The following PPP2R2D variants were observed in gnomAD, a reference collection of about 807,000 sequenced individuals.
The protein encoded by PPP2R2D is protein phosphatase 2 regulatory subunit Bdelta.
A neutral mutation model predicts 31.1 loss-of-function variants in PPP2R2D; 9 were observed. The ratio of observed to expected loss-of-function variants is 0.29; its 90% CI spans 0.17 to 0.51. PPP2R2D has a LOEUF of 0.51. PPP2R2D is among the 20% of genes least tolerant of loss of function. The pLI is 0.98. For synonymous variants in PPP2R2D, 179 were observed against 172.6 expected, an observed-to-expected ratio of 1.04 and a Z score of -0.29; for missense variants, 391 against 465.6, an observed-to-expected ratio of 0.84 and a Z score of 1.48.
At chr10:131,931,913 C>T (rs2036236663) in intron 2 of PPP2R2D, among the ~76,000 whole-genome samples, 1 of 152,158 alleles carries the variant, frequency 6.6e-6, no homozygotes, top group African/African-American at 2.4e-5. Context: ...TCCCACCTGG[C>T]AGGGTGAATG....
In PPP2R2D at chr10:131,901,044, GCGC is replaced by G. The variant is rs1325552969; in HGVS notation, c.-102_-100del. The G allele has an allele frequency of 7.7e-5, 12 of 156,264 alleles. No homozygotes were observed. The highest frequency in any genetic ancestry group is 5.4e-4 in the South Asian group (3 of 5,572). 9.7% of individuals were successfully genotyped at this position (156,264 alleles called of 1,614,324 possible). A position where few individuals can be genotyped will look rare whatever the true frequency, so the allele number is the denominator to read the frequency against. On this transcript the variant is annotated 5_prime_UTR_variant, in exon 1 of 9. Coordinates refer to ENST00000455566, the MANE Select transcript of PPP2R2D (RefSeq NM_018461.5). Reference sequence around the variant, plus strand: ...CCCGGCGGCGGCGGCGGCGGCGGCGGCGCCGGCGGTGGTGGCGGCCCCGGGGCT... The same window carrying G: ...CCCGGCGGCGGCGGCGGCGGCGGCGGCGGCGGTGGTGGCGGCCCCGGGGCT...
chr10:131,945,447 A>C lies in PPP2R2D; in HGVS notation c.808A>C (p.Arg270=), dbSNP rs1554897873. The change falls in exon 7 of 9, where the codon AGA becomes CGA. Residue 270 remains arginine, a synonymous_variant. Transcript: ENST00000455566. This position sits in a 1 kb window ranked among gnomAD's most constrained non-coding sequence, Gnocchi z 4.8. The stretch of plus-strand genomic sequence containing the variant: ...CATGCGCTCCTCGGCCCTGTGCGAC[A>C]GACACTCCAAGTGTAAGTGCGTCTG... ...CDMRSSALCD[R]HSKFFEEPED... 2 of 1,611,710 alleles carry C rather than the reference A, an allele frequency of 1.2e-6. No homozygotes were observed. The highest frequency in any genetic ancestry group is 2.2e-5 in the South Asian group (2 of 90,746).
intron 8 of PPP2R2D, among the ~76,000 whole-genome samples, chr10:131,948,238 T>A (rs1296674818): frequency 2.0e-5 from 3 of 152,200 alleles, no homozygotes; most frequent in African/African-American, 7.2e-5. Context: ...TCATGGCTGG[T>A]CTGAAACACC....
intron 8 of PPP2R2D, among the ~76,000 whole-genome samples, chr10:131,952,138 G>T (rs868918977): frequency 5.6e-5 from 6 of 106,374 alleles, no homozygotes; most frequent in African/African-American, 1.2e-4. Flanking sequence ...CGGGTGTGCG[G>T]GGGGGTTCAC....
At chr10:131,923,660 T>G (rs1467736937) in intron 2 of PPP2R2D, among the ~76,000 whole-genome samples, 2 of 152,210 alleles carry the variant, frequency 1.3e-5, no homozygotes, top group Non-Finnish European at 2.9e-5. Context: ...TGGTTTTGAT[T>G]TGTATTTCCC....
intron 2 of PPP2R2D, among the ~76,000 whole-genome samples, chr10:131,932,271 T>C (rs1350666024): frequency 6.6e-6 from 1 of 151,888 alleles, no homozygotes; most frequent in Non-Finnish European, 1.5e-5. Context: ...AGACCCGATG[T>C]CTCCATGGGA....
chr10:131,963,794 G>C (rs1462142866), downstream of PPP2R2D, among the ~76,000 whole-genome samples: 4 of 152,124 alleles, frequency 2.6e-5, no homozygotes, highest in African/African-American at 9.7e-5. Flanking sequence ...TTTTGAACAG[G>C]TTTTGGAAAT....
chr10:131,934,191 A>G (rs939723019), intron 2 of PPP2R2D, among the ~76,000 whole-genome samples: 1 of 151,954 alleles, frequency 6.6e-6, no homozygotes, highest in Non-Finnish European at 1.5e-5. Flanking sequence ...TATCAAGACA[A>G]CCTAGTCTAG....
chr10:131,971,147 C>T, the PPP2R2D span: 16 of 619,078 alleles, frequency 2.6e-5, no homozygotes, highest in African/African-American at 3.7e-5. Context: ...CCCCGGGCCG[C>T]GCCGCACTCC....
rs2036819408 is a variant in PPP2R2D at position 131,957,358 on chromosome 10, G to GC, written c.*1398dup. On this transcript the variant is annotated 3_prime_UTR_variant, in exon 9 of 9. Coordinates refer to ENST00000455566, the MANE Select transcript of PPP2R2D (RefSeq NM_018461.5). ...AAGGAGGTGTGTGCTGATCCCCTGTGCCCTGTGGAGATGGAGGTGTGTGCT... is the reference window on the plus strand; with the variant it reads ...AAGGAGGTGTGTGCTGATCCCCTGTGCCCCTGTGGAGATGGAGGTGTGTGCT... 8 of 179,678 alleles carry GC rather than the reference G, an allele frequency of 4.5e-5. No individual in the cohort carries two copies. The highest frequency in any genetic ancestry group is 1.4e-4 in the Admixed American group (2 of 14,578). The allele number at this position is 179,678 out of a possible 1,614,324, so 11.1% of individuals were successfully genotyped here.
chr10:131,940,206 G>A lies in PPP2R2D; in HGVS notation c.364+10G>A. Reference sequence around the variant, plus strand: ...CTACTGTCTACAAATGGTAAGAATTGTGTTCTAAGTGGCTGTTTGATTTAG... The same window carrying A: ...CTACTGTCTACAAATGGTAAGAATTATGTTCTAAGTGGCTGTTTGATTTAG... On this transcript the variant is annotated intron_variant, in intron 4 of 8. Coordinates refer to ENST00000455566, the MANE Select transcript of PPP2R2D (RefSeq NM_018461.5). The A allele has an allele frequency of 2.9e-6, 2 of 692,912 alleles. No homozygotes were observed. Among genetic ancestry groups the A allele is most frequent in the Non-Finnish European group, 5.3e-6 (2 of 376,142 alleles). 42.9% of individuals were successfully genotyped at this position (692,912 alleles called of 1,614,324 possible).
At chr10:131,905,696 AG>A (rs1159937380) in intron 2 of PPP2R2D, among the ~76,000 whole-genome samples, 6 of 152,202 alleles carry the variant, frequency 3.9e-5, no homozygotes, top group Admixed American at 3.9e-4. Flanking sequence ...GCAGAATCCG[AG>A]GCGTGGGAGC....
intron 2 of PPP2R2D, among the ~76,000 whole-genome samples, chr10:131,933,989 C>T (rs893876263): frequency 4.6e-5 from 7 of 152,090 alleles, no homozygotes; most frequent in African/African-American, 1.4e-4. Context: ...TTACATTGTA[C>T]AGAAGCCAAC....
intron 2 of PPP2R2D, among the ~76,000 whole-genome samples, chr10:131,906,675 C>T (rs2035590484): frequency 6.6e-6 from 1 of 150,950 alleles, no homozygotes; most frequent in Non-Finnish European, 1.5e-5. Context: ...AGTCTCAGCA[C>T]TTCAGGAGGC....
chr10:131,962,240 A>G (rs932751609), downstream of PPP2R2D, among the ~76,000 whole-genome samples: 5 of 152,240 alleles, frequency 3.3e-5, no homozygotes, highest in African/African-American at 1.2e-4. Flanking sequence ...TGCTGAGGTT[A>G]GAACTGAAAC....
chr10:131,901,311 C>T lies in PPP2R2D; in HGVS notation c.81C>T (p.Ile27=), dbSNP rs1350508454. The change falls in exon 2 of 9, where the codon ATC becomes ATT. Residue 27 remains isoleucine, a synonymous_variant. Transcript: ENST00000455566. ...QWCFSQVKGA[I]DEDVAEADII... is the part of the protein sequence containing the mutation. ...GCTTCTCGCAGGTCAAGGGGGCCATCGACGAGGACGTGGCCGAAGGTGAGC... is the reference window on the plus strand; with the variant it reads ...GCTTCTCGCAGGTCAAGGGGGCCATTGACGAGGACGTGGCCGAAGGTGAGC... 2 of 359,578 alleles carry T rather than the reference C, an allele frequency of 5.6e-6. No individual in the cohort carries two copies. Among genetic ancestry groups the T allele is most frequent in the Non-Finnish European group, 1.0e-5 (2 of 200,920 alleles). 22.3% of individuals were successfully genotyped at this position (359,578 alleles called of 1,614,324 possible).
At chr10:131,901,960 T>C (rs2035507190) in intron 2 of PPP2R2D, among the ~76,000 whole-genome samples, 1 of 152,254 alleles carries the variant, frequency 6.6e-6, no homozygotes, top group African/African-American at 2.4e-5. Flanking sequence ...GATTTTAGTC[T>C]TGAACTTCAT....
intron 2 of PPP2R2D, among the ~76,000 whole-genome samples, chr10:131,932,667 A>C (rs562514052): frequency 2.3e-4 from 31 of 133,156 alleles, no homozygotes; most frequent in East Asian, 4.1e-4. Flanking sequence ...AAAAAAAAAA[A>C]ACACACAAAA....
At chr10:131,903,680 T>C (rs1346579866) in intron 2 of PPP2R2D, among the ~76,000 whole-genome samples, 6 of 152,234 alleles carry the variant, frequency 3.9e-5, no homozygotes, top group African/African-American at 1.4e-4. Context: ...CAGAGCTGTC[T>C]ATTTTAATCC....
Sources: gnomAD v4.1 joint callset for allele counts (sites outside exome capture counted in the v4.1 genomes callset) on GRCh38, gnomAD v4.1.1 for gene constraint, Gnocchi (gnomAD v3.1) non-coding constraint, MANE v1.5 for transcripts, NCBI Gene and HGNC (gene_info 2026-07-23, HGNC 2026-07-21) for gene names.